Variants in ANO3 observed in about 807,000 individuals in gnomAD.
ANO3 encodes the protein anoctamin 3, also known as anoctamin-3.
In ANO3, 99 loss-of-function variants were observed where a neutral mutation model predicts 144.8. The observed-to-expected ratio is 0.68, with a 90% confidence interval of 0.58 to 0.81. The LOEUF (loss-of-function observed/expected upper bound fraction) is 0.81. Among genes scored for constraint, ANO3 ranks in the 30% least tolerant of loss-of-function variants. The pLI is 0.00. For synonymous variants in ANO3, 414 were observed against 392.6 expected, an observed-to-expected ratio of 1.05 and a Z score of -0.64; for missense variants, 905 against 1,202.2, an observed-to-expected ratio of 0.75 and a Z score of 3.66.
chr11:26,190,989 T>G (rs1590184306), intron 1 of ANO3, among the ~76,000 whole-genome samples: 1 of 152,194 alleles, frequency 6.6e-6, no homozygotes, highest in Non-Finnish European at 1.5e-5. Context: ...ATCTATCTTC[T>G]CTACCTCTAT....
rs1261185073 is a variant in ANO3 at position 26,647,696 on chromosome 11, T to C, written c.2429-13T>C. 6.3e-7 allele frequency: 1 copy of C among 1,591,652 alleles called. No individual in the cohort carries two copies. The highest frequency in any genetic ancestry group is 8.6e-7 in the Non-Finnish European group (1 of 1,166,004). On this transcript the variant is annotated splice_polypyrimidine_tract_variant and intron_variant, in intron 23 of 26. Transcript: ENST00000256737. ...TCATTTTTGTTCACCATGATTAATC[T>C]TTCTCTTACCAGGTATCTGGCTTGG...
At chr11:26,238,691 T>C (rs865956697) in intron 1 of ANO3, among the ~76,000 whole-genome samples, 5 of 152,000 alleles carry the variant, frequency 3.3e-5, no homozygotes, top group South Asian at 2.1e-4. Context: ...ACATAACAGA[T>C]ACAGAAATTA....
intron 1 of ANO3, among the ~76,000 whole-genome samples, chr11:26,376,461 A>G (rs1206233901): frequency 2.0e-5 from 3 of 152,156 alleles, no homozygotes; most frequent in Non-Finnish European, 4.4e-5. Context: ...TTGTTCTGAA[A>G]AATTCATTTA....
chr11:26,476,889 T>G (rs1044572496), intron 4 of ANO3, among the ~76,000 whole-genome samples: 385 of 136,318 alleles, frequency 2.8e-3, no homozygotes, highest in African/African-American at 9.9e-3. Flanking sequence ...TGTTATAATT[T>G]TGTGTGTGTG....
intron 14 of ANO3, among the ~76,000 whole-genome samples, chr11:26,568,035 A>G (rs1264566302): frequency 6.6e-6 from 1 of 151,816 alleles, no homozygotes; most frequent in African/African-American, 2.4e-5. Context: ...TGCTGGTGAT[A>G]CTCTATTTCT....
chr11:26,238,660 G>A (rs1168161056), intron 1 of ANO3, among the ~76,000 whole-genome samples: 1 of 151,962 alleles, frequency 6.6e-6, no homozygotes, highest in Non-Finnish European at 1.5e-5. Flanking sequence ...TCTAAAATAG[G>A]AGGAAATTAA....
intron 1 of ANO3, chr11:26,207,918 A>G (rs575647716): frequency 5.3e-4 from 80 of 152,274 alleles, no homozygotes; most frequent in African/African-American, 1.9e-3. Flanking sequence ...TCAGGCTGCT[A>G]TAAGAAAATA....
At chr11:26,601,049 T>C (rs1477571256) in intron 17 of ANO3, among the ~76,000 whole-genome samples, 1 of 152,190 alleles carries the variant, frequency 6.6e-6, no homozygotes, top group Non-Finnish European at 1.5e-5. Context: ...GATAATATCT[T>C]TAATTCTTCC....
At chr11:26,249,570 T>A (rs898461815) in intron 1 of ANO3, among the ~76,000 whole-genome samples, 36 of 151,860 alleles carry the variant, frequency 2.4e-4, no homozygotes, top group Non-Finnish European at 3.8e-4. Context: ...ATGATTTTTT[T>A]TAAAAAAAAG....
rs186811514 is a variant in ANO3 at position 26,233,120 on chromosome 11, G to C, written c.154+43790G>C. Among the ~76,000 whole-genome samples the C allele has an allele frequency of 2.0e-3, 307 of 151,954 alleles. 1 individual carries two copies. Among genetic ancestry groups the C allele is most frequent in the African/African-American group, 6.7e-3 (277 of 41,464 alleles). On this transcript the variant is annotated intron_variant, in intron 1 of 27. Coordinates refer to the ANO3 transcript ENST00000672621. ...TAGTCCCAGCTACTCGGGAGGCTGA[G>C]GCAGGAGAATGGCGTGAACCCAGGA...
In ANO3 at chr11:26,527,219, TTTCTC is replaced by T. The variant is rs1353229122; in HGVS notation, c.737+1542_737+1546del. On this transcript the variant is annotated intron_variant, in intron 7 of 26. Transcript: ENST00000256737. ...TTTTTAATAATGTAAAAAATGTTCT[TTTCTC>T]TGTTTTGGTCAAATGTAAAAGTAAA... Among the ~76,000 whole-genome samples the T allele has an allele frequency of 2.6e-5, 4 of 152,264 alleles. No individual in the cohort carries two copies. The South Asian group carries it at 6.2e-4, about 24-fold the overall frequency.
chr11:26,515,825 G>C (rs1861842376), intron 5 of ANO3, among the ~76,000 whole-genome samples: 1 of 151,898 alleles, frequency 6.6e-6, no homozygotes, highest in Non-Finnish European at 1.5e-5. Context: ...TTTTATTTCA[G>C]ATGTTTTGCT....
At chr11:26,205,139 C>T (rs937388142) in intron 1 of ANO3, among the ~76,000 whole-genome samples, 2 of 152,114 alleles carry the variant, frequency 1.3e-5, no homozygotes, top group African/African-American at 2.4e-5. Context: ...GGAAAAACCA[C>T]CCCTATGATT....
At chr11:26,621,681 T>A (rs1852420471) in intron 17 of ANO3, among the ~76,000 whole-genome samples, 1 of 152,182 alleles carries the variant, frequency 6.6e-6, no homozygotes, top group Non-Finnish European at 1.5e-5. Context: ...AAATTTGAGT[T>A]CTATGAAAGT....
chr11:26,483,642 C>T (rs1304177902), intron 4 of ANO3, among the ~76,000 whole-genome samples: 3 of 152,146 alleles, frequency 2.0e-5, no homozygotes, highest in African/African-American at 7.2e-5. Context: ...CCAATTAAAC[C>T]TCTGTTCTTT....
chr11:26,622,033 A>C (rs1852430450), intron 17 of ANO3, among the ~76,000 whole-genome samples: 1 of 152,166 alleles, frequency 6.6e-6, no homozygotes, highest in Non-Finnish European at 1.5e-5. Flanking sequence ...GGATATATTT[A>C]AATCATTATT....
chr11:26,447,601 G>C lies in ANO3; in HGVS notation c.313+3765G>C, dbSNP rs78936303. Among the ~76,000 whole-genome samples the C allele has an allele frequency of 1.1e-3, 167 of 152,302 alleles. 1 individual carries two copies. The highest frequency in any genetic ancestry group is 3.9e-3 in the African/African-American group (162 of 41,566). Reference sequence around the variant, plus strand: ...GCAGAAAGTACAAGGTGAAGATAAAGCTGCATGTTAAAATATATTTGGGTA... The same window carrying C: ...GCAGAAAGTACAAGGTGAAGATAAACCTGCATGTTAAAATATATTTGGGTA... On this transcript the variant is annotated intron_variant, in intron 3 of 26. Coordinates refer to ENST00000256737, the MANE Select transcript of ANO3 (RefSeq NM_031418.4).
At chr11:26,428,740 TG>T (rs1304198947) in intron 1 of ANO3, among the ~76,000 whole-genome samples, 7 of 152,012 alleles carry the variant, frequency 4.6e-5, no homozygotes, top group Non-Finnish European at 8.8e-5. Context: ...TGTGTGTGTG[TG>T]TGTGTGTGTG....
chr11:26,361,655 A>G, intron 1 of ANO3, among the ~76,000 whole-genome samples: 1 of 152,192 alleles, frequency 6.6e-6, no homozygotes, highest in Non-Finnish European at 1.5e-5. Flanking sequence ...AGAAGCTAAT[A>G]TTTTTGAAAA....
Sources: gnomAD v4.1 joint callset for allele counts (sites outside exome capture counted in the v4.1 genomes callset) on GRCh38, gnomAD v4.1.1 for gene constraint, MANE v1.5 for transcripts, NCBI Gene and HGNC (gene_info 2026-07-23, HGNC 2026-07-21) for gene names.